Variants in CLVS1 observed in about 807,000 individuals in gnomAD.
The protein encoded by CLVS1 is clavesin-1.
A neutral mutation model predicts 33.1 loss-of-function variants in CLVS1; 10 were observed. That is an observed-to-expected ratio of 0.30 (90% confidence interval 0.19 to 0.51). CLVS1 has a LOEUF of 0.51. CLVS1 is among the 20% of genes least tolerant of loss of function. The pLI is 0.97. For missense variants in CLVS1, 343 were observed against 433.4 expected, an observed-to-expected ratio of 0.79 and a Z score of 1.85; for synonymous variants, 163 against 166.1, an observed-to-expected ratio of 0.98 and a Z score of 0.14.
chr8:61,011,978 G>A, the CLVS1 span, among the ~76,000 whole-genome samples: 2 of 152,176 alleles, frequency 1.3e-5, no homozygotes, highest in Admixed American at 6.5e-5. Context: ...CCCATGCAGG[G>A]GCTCAGCTCT....
chr8:61,400,795 T>C (rs1032499503), intron 3 of CLVS1, among the ~76,000 whole-genome samples: 4 of 152,176 alleles, frequency 2.6e-5, no homozygotes, highest in African/African-American at 7.2e-5. Flanking sequence ...GATAATCACA[T>C]GGTTTTTGTC....
At chr8:61,332,664 A>G (rs1041152232) in intron 2 of CLVS1, among the ~76,000 whole-genome samples, 1 of 152,134 alleles carries the variant, frequency 6.6e-6, no homozygotes, top group Non-Finnish European at 1.5e-5. Context: ...TTTTTGAGAC[A>G]GAGTCTCTCT....
chr8:61,113,270 C>T (rs911634856), intron 1 of CLVS1, among the ~76,000 whole-genome samples: 1 of 152,002 alleles, frequency 6.6e-6, no homozygotes, highest in African/African-American at 2.4e-5. Flanking sequence ...AACAGCAGCG[C>T]AAAAATAGAA....
intron 2 of CLVS1, among the ~76,000 whole-genome samples, chr8:61,212,557 G>T (rs1390715742): frequency 6.6e-6 from 1 of 152,156 alleles, no homozygotes; most frequent in African/African-American, 2.4e-5. Flanking sequence ...AGGTGTGGAT[G>T]TTGGGGAAAT....
chr8:61,066,959 C>A (rs1804694072), intron 1 of CLVS1, among the ~76,000 whole-genome samples: 1 of 152,092 alleles, frequency 6.6e-6, no homozygotes, highest in African/African-American at 2.4e-5. Flanking sequence ...TCCATGACTG[C>A]AGTCTAGTCA....
intron 1 of CLVS1, among the ~76,000 whole-genome samples, chr8:61,061,098 T>C (rs747863972): frequency 6.6e-6 from 1 of 152,212 alleles, no homozygotes; most frequent in African/African-American, 2.4e-5. Flanking sequence ...GTTTGGCTTT[T>C]GTTTTCAATC....
chr8:61,341,213 T>C (rs976198965), intron 2 of CLVS1, among the ~76,000 whole-genome samples: 1 of 152,256 alleles, frequency 6.6e-6, no homozygotes, highest in African/African-American at 2.4e-5. Flanking sequence ...AAATGAATCC[T>C]GTTTCACATG....
At chr8:61,259,953 C>T (rs924545216) in intron 2 of CLVS1, among the ~76,000 whole-genome samples, 6 of 152,206 alleles carry the variant, frequency 3.9e-5, no homozygotes, top group Non-Finnish European at 5.9e-5. Context: ...TATCCAGTCA[C>T]GTGGCATAGC....
intron 1 of CLVS1, among the ~76,000 whole-genome samples, chr8:61,075,624 C>T (rs190086603): frequency 6.6e-6 from 1 of 152,352 alleles, no homozygotes; most frequent in East Asian, 1.9e-4. Flanking sequence ...TTATGATTGT[C>T]TGATAAATAT....
At chr8:60,974,316 C>T in the CLVS1 span, among the ~76,000 whole-genome samples, 5 of 152,190 alleles carry the variant, frequency 3.3e-5, no homozygotes, top group African/African-American at 4.8e-5. Context: ...CCAAACTGCT[C>T]TCATTTGCCA....
chr8:61,279,331 A>G (rs1254900153), intron 2 of CLVS1, among the ~76,000 whole-genome samples: 2 of 152,172 alleles, frequency 1.3e-5, no homozygotes, highest in Non-Finnish European at 2.9e-5. Flanking sequence ...CCAAGTCTTC[A>G]TGAAAGAACT....
At chr8:61,054,101 G>A (rs1374816282), upstream of CLVS1, among the ~76,000 whole-genome samples, 1 of 152,200 alleles carries the variant, frequency 6.6e-6, no homozygotes, top group East Asian at 1.9e-4. Flanking sequence ...AGTGGGAGGC[G>A]CTTCCTCAAT....
intron 2 of CLVS1, among the ~76,000 whole-genome samples, chr8:61,359,404 G>A (rs1286013636): frequency 2.0e-5 from 3 of 151,978 alleles, no homozygotes; most frequent in Non-Finnish European, 4.4e-5. Flanking sequence ...CCCCCAGGCT[G>A]GAGTGCAATG....
chr8:61,407,333 A>G (rs1053158063), intron 3 of CLVS1, among the ~76,000 whole-genome samples: 1 of 152,258 alleles, frequency 6.6e-6, no homozygotes, highest in Non-Finnish European at 1.5e-5. Context: ...TGTTATTTCT[A>G]AAAAGGGATG....
At chr8:61,337,385 C>T (rs777925939) in intron 2 of CLVS1, among the ~76,000 whole-genome samples, 1 of 152,104 alleles carries the variant, frequency 6.6e-6, no homozygotes, top group Non-Finnish European at 1.5e-5. Flanking sequence ...TATAATTGCC[C>T]GATGAACTTG....
At chr8:61,035,449 G>C in the CLVS1 span, among the ~76,000 whole-genome samples, 13 of 152,178 alleles carry the variant, frequency 8.5e-5, no homozygotes, top group Admixed American at 8.5e-4. Context: ...GAGAGAGATT[G>C]CCAGCAATTT....
chr8:61,300,299 TCTTTA>T lies in CLVS1; in HGVS notation c.455+21_455+25del. The T allele has an allele frequency of 6.3e-7, 1 of 1,590,156 alleles. No homozygotes were observed. The highest frequency in any genetic ancestry group is 8.6e-7 in the Non-Finnish European group (1 of 1,167,250). ...TCAGAGTAGGTAAATGTAGATAGTG[TCTTTA>T]CTTGGTTTTTCTTTGCTATAAGCAT... On this transcript the variant is annotated intron_variant, in intron 2 of 5. Transcript: ENST00000325897.
chr8:61,068,223 G>GTATATATATATATATATATA (rs71521932), intron 1 of CLVS1, among the ~76,000 whole-genome samples: 5 of 105,182 alleles, frequency 4.8e-5, no homozygotes, highest in East Asian at 8.0e-4. Flanking sequence ...ATATATGTAT[G>GTATATATATATATATATATA]TATGTGTATA....
Position 61,499,572 on chromosome 8 carries a change from C to T in CLVS1, c.*30C>T. 6.4e-7 allele frequency: 1 copy of T among 1,570,836 alleles called. No homozygotes were observed. The highest frequency in any genetic ancestry group is 8.8e-7 in the Non-Finnish European group (1 of 1,141,010). Reference sequence around the variant, plus strand: ...TGAGTCACCCCAATGCTCCTGCACACTGGCCTTCAGTGGTATCAGCCACCC... The same window carrying T: ...TGAGTCACCCCAATGCTCCTGCACATTGGCCTTCAGTGGTATCAGCCACCC... On this transcript the variant is annotated 3_prime_UTR_variant, in exon 6 of 6. Transcript: ENST00000325897.
Sources: gnomAD v4.1 joint callset for allele counts (sites outside exome capture counted in the v4.1 genomes callset) on GRCh38, gnomAD v4.1.1 for gene constraint, MANE v1.5 for transcripts, NCBI Gene and HGNC (gene_info 2026-07-23, HGNC 2026-07-21) for gene names.